Variants in GPR137 observed in about 807,000 individuals in gnomAD.
GPR137 encodes G protein-coupled receptor 137.
Under a neutral mutation model 38.9 loss-of-function variants are expected in GPR137, and 20 were observed. That is an observed-to-expected ratio of 0.51 (90% CI 0.36 to 0.75). The LOEUF (loss-of-function observed/expected upper bound fraction) is 0.75, where lower values mean the gene tolerates loss of function less well. Ranked by LOEUF, GPR137 falls within the 30% of genes least tolerant of loss-of-function variation. The pLI, the probability that GPR137 is intolerant of heterozygous loss-of-function variation, is 0.00. For synonymous variants in GPR137, 226 were observed against 235.8 expected (o/e 0.96, Z 0.38); for missense variants, 456 against 526.4 (o/e 0.87, Z 1.31).
At chr11:64,280,413 A>G (rs1233785687), upstream of GPR137, among the ~76,000 whole-genome samples, 3 of 143,282 alleles carry the variant, frequency 2.1e-5, no homozygotes, top group Admixed American at 7.0e-5. Context: ...GTGCAGTGGC[A>G]CCATCTCGGC....
At chr11:64,281,770 G>A (rs1007018832), upstream of GPR137, among the ~76,000 whole-genome samples, 2 of 152,166 alleles carry the variant, frequency 1.3e-5, no homozygotes, top group Admixed American at 1.3e-4. Flanking sequence ...CGCCAGGCTG[G>A]AGTGCAGTGG....
chr11:64,277,095 C>G, intron 2 of GPR137: 2 of 670,606 alleles, frequency 3.0e-6, no homozygotes, highest in South Asian at 3.3e-5. Flanking sequence ...GACACTTGCA[C>G]ACTGAATTGC....
upstream of GPR137, among the ~76,000 whole-genome samples, chr11:64,279,504 T>C (rs113825200): frequency 3.1e-3 from 467 of 152,164 alleles, 3 homozygotes; most frequent in African/African-American, 0.01. Flanking sequence ...CGGTGGCTCA[T>C]GCCTGTAATC....
chr11:64,276,971 G>T (rs749218316), intron 2 of GPR137: 12 of 740,506 alleles, frequency 1.6e-5, no homozygotes, highest in Non-Finnish European at 2.5e-5. Context: ...CCCTGCTGAT[G>T]CTTCCGCGAG....
chr11:64,284,915 A>G (rs1341550673), upstream of GPR137: 91 of 1,420,326 alleles, frequency 6.4e-5, no homozygotes, highest in Non-Finnish European at 8.1e-5. Flanking sequence ...CAGGAGAGGG[A>G]TTCTCTGGGG....
upstream of GPR137, chr11:64,271,881 A>C: frequency 8.3e-7 from 1 of 1,206,826 alleles, no homozygotes; most frequent in Non-Finnish European, 1.1e-6. Flanking sequence ...AACCCTCCCC[A>C]TCAGCTCTGC....
At chr11:64,271,809 G>T (rs755283304), upstream of GPR137, 7 of 1,396,650 alleles carry the variant, frequency 5.0e-6, no homozygotes, top group Non-Finnish European at 5.6e-6. Context: ...AGCGCCTGCA[G>T]AGGGTCAGTG....
At chr11:64,287,155 A>T (rs1033624918) in intron 2 of GPR137, 141 bp downstream of exon 2, 25 of 1,467,382 alleles carry the variant, frequency 1.7e-5, no homozygotes, top group Non-Finnish European at 2.3e-5. Context: ...AAGTTAAAGC[A>T]CCTGGCGCAG....
chr11:64,284,272 C>T (rs1340097547), upstream of GPR137: 5 of 1,611,534 alleles, frequency 3.1e-6, no homozygotes, highest in Non-Finnish European at 2.5e-6. Context: ...TTGCCGGAGC[C>T]TGAGGGCCCG....
At chr11:64,287,182 C>G (rs556982342) in intron 2 of GPR137, 168 bp downstream of exon 2, 1 of 985,350 alleles carries the variant, frequency 1.0e-6, no homozygotes, top group Admixed American at 6.1e-5. Flanking sequence ...CAGCAGAGGC[C>G]TTGCAGATCT....
At chr11:64,285,199 G>A (rs17158944), upstream of GPR137, 36 of 988,146 alleles carry the variant, frequency 3.6e-5, no homozygotes, top group East Asian at 3.9e-3. Flanking sequence ...CCCAGGCGCG[G>A]AAGCTTCGCG....
Position 64,286,362 on chromosome 11 carries a change from T to A in GPR137, c.-163T>A. On this transcript the variant is annotated 5_prime_UTR_variant, in exon 1 of 7. Transcript: ENST00000438980. ...CCTGTGTTCCCCAAGGGCAAGGGTC[T>A]CTCTGTTGAGGAGGAGGGGCCTGTC... 7.1e-7 allele frequency: 1 copy of A among 1,415,196 alleles called. No homozygotes were observed. Among genetic ancestry groups the A allele is most frequent in the Non-Finnish European group, 9.2e-7 (1 of 1,091,596 alleles). 87.7% of individuals were successfully genotyped at this position (1,415,196 alleles called of 1,614,324 possible). A position where few individuals can be genotyped will look rare whatever the true frequency, so the allele number is the denominator to read the frequency against.
upstream of GPR137, chr11:64,284,612 G>C (rs895916201): frequency 5.3e-6 from 8 of 1,503,510 alleles, no homozygotes; most frequent in Non-Finnish European, 7.1e-6. Context: ...CGCCCGTGGT[G>C]ACGGCGCACA....
chr11:64,284,645 C>A, upstream of GPR137: 1 of 1,531,530 alleles, frequency 6.5e-7, no homozygotes, highest in South Asian at 1.2e-5. Flanking sequence ...AGCCCGATCT[C>A]GAGGCCCCTG....
rs1336678796 is a variant in GPR137 at position 64,287,705 on chromosome 11, T to G, written c.408-16T>G. On this transcript the variant is annotated splice_polypyrimidine_tract_variant and intron_variant, in intron 2 of 6. Coordinates refer to ENST00000438980, the MANE Select transcript of GPR137 (RefSeq NM_001170880.2). ...AGGGCTGTTGAGGGCCCGCGCTGAC[T>G]GTGCTGTGGCTGCAGGCTCGCTGTC... is the stretch of plus-strand genomic sequence containing the variant. 7 of 1,602,556 alleles carry G rather than the reference T, an allele frequency of 4.4e-6. No homozygotes were observed.
chr11:64,288,677 A>C lies in GPR137; in HGVS notation c.987A>C (p.Glu329Asp). The change falls in exon 6 of 7, where the codon GAA becomes GAC. Residue 329 changes from glutamate (E) to aspartate (D), a missense_variant. By Grantham distance (45) the Glu-to-Asp change is conservative. Coordinates refer to ENST00000438980, the MANE Select transcript of GPR137 (RefSeq NM_001170880.2). The surrounding 1 kb of genome is among the most constrained non-coding windows in gnomAD (Gnocchi z 5.5). ...TCTTTGACCGGGCTGGGCACTGTGAAGATGAGGGCTGCTCCTGGGAGCACA... is the reference window on the plus strand; with the variant it reads ...TCTTTGACCGGGCTGGGCACTGTGACGATGAGGGCTGCTCCTGGGAGCACA... ...SYFFDRAGHC[E>D]DEGCSWEHSR... The C allele has an allele frequency of 1.3e-6, 2 of 1,592,372 alleles. No individual in the cohort carries two copies. Among genetic ancestry groups the C allele is most frequent in the Non-Finnish European group, 8.6e-7 (1 of 1,168,028 alleles).
At chr11:64,271,937 C>G (rs1427986865), upstream of GPR137, 5 of 597,188 alleles carry the variant, frequency 8.4e-6, no homozygotes, top group East Asian at 1.4e-4. Context: ...GCCCACCTCT[C>G]AGAGCCCCAG....
chr11:64,277,250 A>G (rs1365930118), intron 2 of GPR137, among the ~76,000 whole-genome samples: 1 of 152,146 alleles, frequency 6.6e-6, no homozygotes, highest in Non-Finnish European at 1.5e-5. Flanking sequence ...AGTGGCCAGC[A>G]CAGTGGCCAG....
At position 64,287,647 on chromosome 11, in the gene GPR137, T is replaced by A. The variant is rs888313129; in HGVS notation, c.408-74T>A. On this transcript the variant is annotated intron_variant, in intron 2 of 6. Transcript: ENST00000438980. ...CCTGAGTTTTGTCGACATTGGGGTT[T>A]CCTGCAGGAGGTGGGGCAGGTGGTG... 4.4e-6 allele frequency: 7 copies of A among 1,586,182 alleles called. No individual in the cohort carries two copies. The East Asian group carries it at 1.6e-4, about 36-fold the overall frequency.
Sources: gnomAD v4.1 joint callset for allele counts (sites outside exome capture counted in the v4.1 genomes callset) on GRCh38, gnomAD v4.1.1 for gene constraint, Gnocchi (gnomAD v3.1) non-coding constraint, MANE v1.5 for transcripts, NCBI Gene and HGNC (gene_info 2026-07-23, HGNC 2026-07-21) for gene names.